Variants in TPRG1 observed in about 807,000 individuals in gnomAD.
TPRG1 encodes tumor protein p63-regulated gene 1 protein.
A neutral mutation model predicts 29.3 loss-of-function variants in TPRG1; 29 were observed. That is an observed-to-expected ratio of 0.99 (90% CI 0.74 to 1.35). The LOEUF (loss-of-function observed/expected upper bound fraction) is 1.35, where lower values mean the gene tolerates loss of function less well. TPRG1 is among the 40% of genes most tolerant of loss of function. TPRG1 has a pLI of 0.00. For synonymous variants in TPRG1, 130 were observed against 116.8 expected (o/e 1.11, Z -0.73); for missense variants, 327 against 335.0 (o/e 0.98, Z 0.19).
At chr3:189,163,759 A>G (rs7625652) in intron 5 of TPRG1, among the ~76,000 whole-genome samples, 83,055 of 151,968 alleles carry the variant, frequency 0.55, 25,538 homozygotes, top group African/African-American at 0.84. Flanking sequence ...CTTTACAGGT[A>G]CCTCCAATAT....
chr3:189,162,264 A>T (rs1727590180), intron 5 of TPRG1, among the ~76,000 whole-genome samples: 1 of 152,144 alleles, frequency 6.6e-6, no homozygotes, highest in South Asian at 2.1e-4. Flanking sequence ...AAGTGCTGGG[A>T]TTACAGGCAT....
At chr3:189,299,020 T>TGAG (rs1232705626) in intron 4 of TPRG1, among the ~76,000 whole-genome samples, 1 of 151,822 alleles carries the variant, frequency 6.6e-6, no homozygotes, top group African/African-American at 2.4e-5. Flanking sequence ...CAACCTCTCT[T>TGAG]GAGAGGAAAT....
intron 1 of TPRG1, among the ~76,000 whole-genome samples, chr3:189,113,774 G>A (rs1173062748): frequency 6.6e-6 from 1 of 151,786 alleles, no homozygotes; most frequent in African/African-American, 2.4e-5. Flanking sequence ...GTTGTGGGGT[G>A]GGGGGACGGG....
chr3:189,247,191 C>T (rs568787433), intron 4 of TPRG1, among the ~76,000 whole-genome samples: 23 of 151,820 alleles, frequency 1.5e-4, no homozygotes, highest in African/African-American at 5.3e-4. Flanking sequence ...GGATAATTTT[C>T]GTTTATCTAT....
intron 3 of TPRG1, among the ~76,000 whole-genome samples, chr3:189,015,044 AC>A (rs1712853015): frequency 6.6e-6 from 1 of 152,192 alleles, no homozygotes; most frequent in African/African-American, 2.4e-5. Context: ...AAAGTTTGGA[AC>A]TTCCTTGAGA....
At chr3:189,244,216 G>A (rs1478308782) in intron 4 of TPRG1, among the ~76,000 whole-genome samples, 9 of 152,244 alleles carry the variant, frequency 5.9e-5, no homozygotes. Flanking sequence ...GATCACTTGA[G>A]GTCAGGAGTT....
At chr3:189,110,537 T>C (rs1008009807) in intron 1 of TPRG1, among the ~76,000 whole-genome samples, 2 of 152,114 alleles carry the variant, frequency 1.3e-5, no homozygotes, top group Non-Finnish European at 2.9e-5. Context: ...AAAGTTTTTA[T>C]ATTTGATTAG....
chr3:189,270,044 T>G (rs1714823541), intron 4 of TPRG1, among the ~76,000 whole-genome samples: 1 of 151,416 alleles, frequency 6.6e-6, no homozygotes, highest in African/African-American at 2.4e-5. Flanking sequence ...CTTCTTCTTC[T>G]TCTTCTTCTT....
chr3:189,172,385 C>G (rs1457235370), intron 1 of TPRG1, among the ~76,000 whole-genome samples: 1 of 152,100 alleles, frequency 6.6e-6, no homozygotes, highest in Non-Finnish European at 1.5e-5. Flanking sequence ...TGATTTTGAT[C>G]TTAACTGCCC....
chr3:189,188,846 G>A (rs759674024), intron 1 of TPRG1, among the ~76,000 whole-genome samples: 1 of 152,116 alleles, frequency 6.6e-6, no homozygotes, highest in Admixed American at 6.6e-5. Context: ...ATATCAGTGG[G>A]CAGATAAAAG....
At chr3:189,134,310 C>T (rs1363365457) in intron 3 of TPRG1, among the ~76,000 whole-genome samples, 1 of 149,988 alleles carries the variant, frequency 6.7e-6, no homozygotes, top group Non-Finnish European at 1.5e-5. Context: ...ATGTTCAGTA[C>T]AAGTAGTATC....
At chr3:189,245,841 A>G (rs1397601669) in intron 4 of TPRG1, among the ~76,000 whole-genome samples, 1 of 152,076 alleles carries the variant, frequency 6.6e-6, no homozygotes, top group East Asian at 1.9e-4. Flanking sequence ...TTTTGAGTCT[A>G]TTATTAGGTG....
chr3:189,183,018 C>G (rs1282844827), intron 1 of TPRG1, among the ~76,000 whole-genome samples: 1 of 152,124 alleles, frequency 6.6e-6, no homozygotes, highest in Non-Finnish European at 1.5e-5. Flanking sequence ...AGTAGAGTAG[C>G]AACTACTACT....
chr3:189,194,628 G>T (rs1732234683), intron 1 of TPRG1, among the ~76,000 whole-genome samples: 1 of 152,206 alleles, frequency 6.6e-6, no homozygotes. Context: ...TGGCACATCT[G>T]TGGGGAAAAG....
intron 5 of TPRG1, among the ~76,000 whole-genome samples, chr3:189,311,086 A>G (rs1722408872): frequency 6.6e-6 from 1 of 152,288 alleles, no homozygotes; most frequent in Middle Eastern, 3.4e-3. Flanking sequence ...TTTAAATTTC[A>G]TCTCATCAAG....
chr3:189,061,780 A>G lies in TPRG1; in HGVS notation c.-463+37834A>G, dbSNP rs528333278. Among the ~76,000 whole-genome samples the G allele has an allele frequency of 2.6e-5, 4 of 152,278 alleles. No homozygotes were observed. In the South Asian group the frequency reaches 8.3e-4, roughly 32 times the overall value. On this transcript the variant is annotated intron_variant, in intron 4 of 10. Transcript: ENST00000433971. ...CAGACTGGCTATTTATAAAAAGTCAAAAAGTAACAGATGATAGTAAGGTTG... is the reference window on the plus strand; with the variant it reads ...CAGACTGGCTATTTATAAAAAGTCAGAAAGTAACAGATGATAGTAAGGTTG...
At chr3:189,229,799 G>C (rs1010251342) in intron 3 of TPRG1, among the ~76,000 whole-genome samples, 1 of 152,280 alleles carries the variant, frequency 6.6e-6, no homozygotes, top group East Asian at 1.9e-4. Flanking sequence ...ATTCCTCAGA[G>C]TATTTTTACA....
At chr3:189,186,401 C>T (rs1191691054) in intron 1 of TPRG1, among the ~76,000 whole-genome samples, 1 of 152,158 alleles carries the variant, frequency 6.6e-6, no homozygotes, top group Non-Finnish European at 1.5e-5. Context: ...AAGTCCCTAC[C>T]ATTCGATGTT....
chr3:189,180,698 T>A (rs1730092413), intron 1 of TPRG1, among the ~76,000 whole-genome samples: 1 of 152,168 alleles, frequency 6.6e-6, no homozygotes, highest in Non-Finnish European at 1.5e-5. Flanking sequence ...AGACTGACAT[T>A]GAGTATCTAT....
Sources: allele counts gnomAD v4.1 joint callset (sites outside exome capture counted in the v4.1 genomes callset), GRCh38; gene constraint gnomAD v4.1.1; transcripts MANE v1.5; gene names NCBI Gene and HGNC (gene_info 2026-07-23, HGNC 2026-07-21).